Variants in PDE1C observed in about 807,000 individuals in gnomAD.
PDE1C encodes the protein dual specificity calcium/calmodulin-dependent 3',5'-cyclic nucleotide phosphodiesterase 1C.
In PDE1C, 62 loss-of-function variants were observed where a neutral mutation model predicts 93.1. That is an observed-to-expected ratio of 0.67 (90% CI 0.54 to 0.82). The LOEUF is 0.82. Among genes scored for constraint, PDE1C ranks in the 40% least tolerant of loss-of-function variants. PDE1C has a pLI of 0.00. For synonymous variants in PDE1C, 325 were observed against 310.1 expected, an observed-to-expected ratio of 1.05 and a Z score of -0.50; for missense variants, 742 against 884.6, an observed-to-expected ratio of 0.84 and a Z score of 2.04.
intron 1 of PDE1C, among the ~76,000 whole-genome samples, chr7:32,355,586 A>T (rs1273361688): frequency 1.3e-5 from 2 of 152,134 alleles, no homozygotes; most frequent in African/African-American, 4.8e-5. Context: ...ATCTAGCAAG[A>T]TCCGACATAA....
At chr7:31,858,206 A>G (rs1794258252) in intron 7 of PDE1C, among the ~76,000 whole-genome samples, 1 of 152,298 alleles carries the variant, frequency 6.6e-6, no homozygotes, top group Non-Finnish European at 1.5e-5. Flanking sequence ...TTCCAAGCAT[A>G]TAGTAGGATT....
intron 2 of PDE1C, among the ~76,000 whole-genome samples, chr7:31,969,214 A>G (rs1810526574): frequency 6.6e-6 from 1 of 151,934 alleles, no homozygotes; most frequent in African/African-American, 2.4e-5. Flanking sequence ...AACCTACAGA[A>G]TGGGAGAAAA....
intron 1 of PDE1C, among the ~76,000 whole-genome samples, chr7:32,062,478 A>G (rs990405255): frequency 1.3e-5 from 2 of 152,206 alleles, no homozygotes; most frequent in African/African-American, 2.4e-5. Context: ...CTTTACAGGT[A>G]TAAACATCCC....
At chr7:32,175,355 T>C (rs1209671750) in intron 2 of PDE1C, among the ~76,000 whole-genome samples, 1 of 152,244 alleles carries the variant, frequency 6.6e-6, no homozygotes, top group Non-Finnish European at 1.5e-5. Context: ...GTCTATTAAG[T>C]GTGTAATAGC....
intron 2 of PDE1C, among the ~76,000 whole-genome samples, chr7:31,884,339 G>C (rs532107284): frequency 6.6e-6 from 1 of 152,034 alleles, no homozygotes; most frequent in Non-Finnish European, 1.5e-5. Context: ...AGCATCTGCT[G>C]TGTGTTCAAT....
chr7:31,945,433 T>G (rs1218253747), intron 2 of PDE1C, among the ~76,000 whole-genome samples: 1 of 152,150 alleles, frequency 6.6e-6, no homozygotes, highest in African/African-American at 2.4e-5. Context: ...ATTCCCTCAG[T>G]TTTTCTTTGT....
chr7:31,878,993 T>TA lies in PDE1C; in HGVS notation c.425+2dup. On this transcript the variant is annotated splice_region_variant and intron_variant, in intron 4 of 17. Transcript: ENST00000396191. Reference sequence around the variant, plus strand: ...ACTAAATGACAATGAATGACATCTTTACCTCTCCACAAATATCCCAGCCTG... The same window carrying TA: ...ACTAAATGACAATGAATGACATCTTTAACCTCTCCACAAATATCCCAGCCTG... 1.2e-6 allele frequency: 2 copies of TA among 1,613,124 alleles called. No homozygotes were observed. Among genetic ancestry groups the TA allele is most frequent in the Non-Finnish European group, 1.7e-6 (2 of 1,179,140 alleles).
intron 1 of PDE1C, among the ~76,000 whole-genome samples, chr7:32,295,448 C>T (rs994075723): frequency 6.6e-6 from 1 of 152,210 alleles, no homozygotes; most frequent in African/African-American, 2.4e-5. Context: ...GGGGTCATAA[C>T]AGCTACTTTT....
intron 2 of PDE1C, among the ~76,000 whole-genome samples, chr7:31,984,619 T>C (rs998413): frequency 0.1 from 15,763 of 152,258 alleles, 907 homozygotes; most frequent in Middle Eastern, 0.19. Context: ...GCGTGCACAC[T>C]GGGCTCTGCA....
chr7:31,783,791 G>A (rs1783641965), intron 16 of PDE1C: 1 of 152,164 alleles, frequency 6.6e-6, no homozygotes, highest in Non-Finnish European at 1.5e-5. Context: ...TTAGAGAACA[G>A]AACACTCTTC....
chr7:31,917,961 C>T (rs1329444548), intron 2 of PDE1C, among the ~76,000 whole-genome samples: 1 of 152,174 alleles, frequency 6.6e-6, no homozygotes, highest in Admixed American at 6.6e-5. Flanking sequence ...ATATTGAGTG[C>T]TACCCACAAC....
chr7:32,137,424 G>C (rs141583709), intron 3 of PDE1C, among the ~76,000 whole-genome samples: 3 of 152,248 alleles, frequency 2.0e-5, no homozygotes, highest in African/African-American at 7.2e-5. Flanking sequence ...CATATGCTTC[G>C]CTTAGGTGTC....
At chr7:32,313,384 T>C (rs373025079) in intron 1 of PDE1C, among the ~76,000 whole-genome samples, 1 of 151,500 alleles carries the variant, frequency 6.6e-6, no homozygotes, top group African/African-American at 2.4e-5. Context: ...ACCATTTGAC[T>C]CAGCCATCCC....
At chr7:31,760,417 C>T (rs143110581) in intron 17 of PDE1C, among the ~76,000 whole-genome samples, 5 of 152,276 alleles carry the variant, frequency 3.3e-5, no homozygotes, top group Middle Eastern at 3.4e-3. Context: ...TCCTCATCCA[C>T]GCTTGGGTCT....
chr7:31,701,969 G>A, the PDE1C span, among the ~76,000 whole-genome samples: 1 of 152,168 alleles, frequency 6.6e-6, no homozygotes, highest in Non-Finnish European at 1.5e-5. Flanking sequence ...CTTTATTGCA[G>A]TGATCTGGAA....
the PDE1C span, among the ~76,000 whole-genome samples, chr7:31,625,735 C>T: frequency 4.0e-5 from 6 of 151,698 alleles, no homozygotes; most frequent in Non-Finnish European, 8.8e-5. Context: ...ACCTAACCTG[C>T]ACATTGTGCA....
the PDE1C span, among the ~76,000 whole-genome samples, chr7:31,669,718 G>A: frequency 6.6e-6 from 1 of 152,208 alleles, no homozygotes; most frequent in Non-Finnish European, 1.5e-5. Flanking sequence ...GGGTGGCAGA[G>A]AATAGGTAGG....
At position 32,134,154 on chromosome 7, in the gene PDE1C, T is replaced by A. The variant is rs32309; in HGVS notation, c.308+35631A>T. Among the ~76,000 whole-genome samples, 559 of 152,116 alleles carry A rather than the reference T, an allele frequency of 3.7e-3. 4 individuals carry two copies. Among genetic ancestry groups the A allele is most frequent in the African/African-American group, 0.013 (539 of 41,516 alleles). ...AAAAACTTAAAGATCCTCAGAGATC[T>A]GTGGAAAATTTCAAAAGGTCTATCA... On this transcript the variant is annotated intron_variant, in intron 3 of 18. Transcript: ENST00000396193.
chr7:32,174,856 T>C (rs77965285), intron 2 of PDE1C, among the ~76,000 whole-genome samples: 7,975 of 152,244 alleles, frequency 0.052, 311 homozygotes, highest in Non-Finnish European at 0.081. Flanking sequence ...TAGGGTGCCA[T>C]GCATTTAACT....
Sources: gnomAD v4.1 joint callset for allele counts (sites outside exome capture counted in the v4.1 genomes callset) on GRCh38, gnomAD v4.1.1 for gene constraint, MANE v1.5 for transcripts, NCBI Gene and HGNC (gene_info 2026-07-23, HGNC 2026-07-21) for gene names.